The following LY6S variants were observed in gnomAD, a reference collection of about 807,000 sequenced individuals.
LY6S encodes the protein lymphocyte antigen 6S.
chr8:143,073,242 T>C, the LY6S span, among the ~76,000 whole-genome samples: 38 of 149,580 alleles, frequency 2.5e-4, no homozygotes, highest in East Asian at 6.7e-3. Flanking sequence ...GGTCCCTGTT[T>C]GAGGAGACAG....
the LY6S span, among the ~76,000 whole-genome samples, chr8:143,060,288 G>A: frequency 6.6e-6 from 1 of 152,166 alleles, no homozygotes; most frequent in African/African-American, 2.4e-5. Flanking sequence ...TCTTGTGGAG[G>A]GCCTGACATC....
chr8:143,073,097 GTT>G, the LY6S span, among the ~76,000 whole-genome samples: 1 of 121,320 alleles, frequency 8.2e-6, no homozygotes, highest in Admixed American at 7.9e-5. Flanking sequence ...CGTCCCCGGG[GTT>G]CCTGTTTGAG....
the LY6S span, among the ~76,000 whole-genome samples, chr8:143,058,721 G>A: frequency 1.3e-5 from 2 of 152,214 alleles, no homozygotes; most frequent in Non-Finnish European, 2.9e-5. Context: ...TTCCTTTCCC[G>A]GTCTGCTAAG....
At chr8:143,067,193 T>C in the LY6S span, among the ~76,000 whole-genome samples, 1 of 152,210 alleles carries the variant, frequency 6.6e-6, no homozygotes, top group Non-Finnish European at 1.5e-5. Flanking sequence ...GATCAGATTG[T>C]TACTGTGTCT....
the LY6S span, among the ~76,000 whole-genome samples, chr8:143,042,777 T>C: frequency 3.3e-5 from 5 of 152,256 alleles, no homozygotes; most frequent in Non-Finnish European, 7.4e-5. Flanking sequence ...GCAAGCTGGA[T>C]GGAGCTGGGG....
chr8:143,070,459 TATATAATATATATATAAATATATATATA>T, the LY6S span, among the ~76,000 whole-genome samples: 5 of 46,264 alleles, frequency 1.1e-4, no homozygotes, highest in Admixed American at 3.7e-4. Flanking sequence ...TATATATATA[TATATAATATATATATAAATATATATATA>T]TATTTTTTTT....
At chr8:143,070,487 A>ATTTTT in the LY6S span, among the ~76,000 whole-genome samples, 4 of 84,072 alleles carry the variant, frequency 4.8e-5, no homozygotes, top group African/African-American at 3.0e-4. Context: ...ATATATATAT[A>ATTTTT]TATTTTTTTT....
chr8:143,071,913 T>A, the LY6S span, among the ~76,000 whole-genome samples: 7 of 152,116 alleles, frequency 4.6e-5, no homozygotes, highest in African/African-American at 1.4e-4. Flanking sequence ...TGTGCTGGGT[T>A]CAAGGTTACA....
the LY6S span, among the ~76,000 whole-genome samples, chr8:143,045,636 C>A: frequency 6.6e-6 from 1 of 152,182 alleles, no homozygotes; most frequent in Non-Finnish European, 1.5e-5. This position sits in a 1 kb window ranked among gnomAD's most constrained non-coding sequence, Gnocchi z 5.3. Context: ...CCCTCCCAGG[C>A]CTGGTCCACC....
At chr8:143,043,473 G>T in the LY6S span, among the ~76,000 whole-genome samples, 1 of 152,136 alleles carries the variant, frequency 6.6e-6, no homozygotes, top group African/African-American at 2.4e-5. Flanking sequence ...AAGGCCATCG[G>T]AGCCCTTTCA....
At chr8:143,068,939 G>T in the LY6S span, among the ~76,000 whole-genome samples, 2 of 152,082 alleles carry the variant, frequency 1.3e-5, no homozygotes, top group Non-Finnish European at 2.9e-5. Flanking sequence ...TCCCCGCACC[G>T]CCCCAGGGGG....
chr8:143,044,969 TG>T, the LY6S span: 1 of 626,906 alleles, frequency 1.6e-6, no homozygotes, highest in Non-Finnish European at 2.3e-6. Flanking sequence ...ACTGGCAGCC[TG>T]CAACTGGTGG....
At chr8:143,062,405 C>T in the LY6S span, among the ~76,000 whole-genome samples, 2 of 152,342 alleles carry the variant, frequency 1.3e-5, no homozygotes, top group Admixed American at 6.5e-5. Context: ...TGGTAGCTCA[C>T]GCCTGTAATC....
At chr8:143,053,684 T>C in the LY6S span, 3 of 152,200 alleles carry the variant, frequency 2.0e-5, no homozygotes, top group African/African-American at 7.2e-5. Flanking sequence ...TAGCATATCT[T>C]TTACCTGGAG....
chr8:143,060,948 T>G, the LY6S span, among the ~76,000 whole-genome samples: 6 of 151,272 alleles, frequency 4.0e-5, no homozygotes, highest in Admixed American at 2.6e-4. Context: ...ATTTAACAAA[T>G]CCAAAAGAAT....
At chr8:143,066,187 A>G in the LY6S span, 55,432 of 138,484 alleles carry the variant, frequency 0.4, 8,454 homozygotes, top group East Asian at 0.59. Flanking sequence ...CTTTTCTTTC[A>G]AGATGGGGTC....
chr8:143,074,299 T>C, the LY6S span, among the ~76,000 whole-genome samples: 3,020 of 151,846 alleles, frequency 0.02, 120 homozygotes, highest in African/African-American at 0.069. Context: ...ATGGCCCTCT[T>C]CTCTCTGTCT....
the LY6S span, among the ~76,000 whole-genome samples, chr8:143,065,284 G>T: frequency 6.6e-6 from 1 of 152,140 alleles, no homozygotes; most frequent in African/African-American, 2.4e-5. Context: ...GGGGTTTAGG[G>T]TACTTACTGT....
the LY6S span, among the ~76,000 whole-genome samples, chr8:143,063,297 A>G: frequency 2.6e-5 from 4 of 152,138 alleles, no homozygotes; most frequent in Admixed American, 1.3e-4. Context: ...CCCTAAATCC[A>G]TTTCAGTTGA....
Sources: allele counts gnomAD v4.1 joint callset (sites outside exome capture counted in the v4.1 genomes callset), GRCh38; gene constraint gnomAD v4.1.1; non-coding constraint Gnocchi (gnomAD v3.1); transcripts MANE v1.5; gene names NCBI Gene and HGNC (gene_info 2026-07-23, HGNC 2026-07-21).